EFNA3: variants seen among roughly 807,000 people sequenced by gnomAD.
The protein encoded by EFNA3 is ephrin-A3.
Under a neutral mutation model 25.0 loss-of-function variants are expected in EFNA3, and 15 were observed. The observed-to-expected ratio is 0.60, with a 90% CI of 0.40 to 0.92. The LOEUF is 0.92. Among genes scored for constraint, EFNA3 ranks in the 40% least tolerant of loss-of-function variants. The pLI is 0.00. For missense variants in EFNA3, 298 were observed against 323.8 expected (o/e 0.92, Z 0.61); for synonymous variants, 153 against 145.6 (o/e 1.05, Z -0.37).
In EFNA3 at chr1:155,078,919, CGGCGGCGGCGGCGGCTCCGGGGAT is replaced by C; in HGVS notation, c.-13_11del. The C allele has an allele frequency of 3.7e-6, 5 of 1,359,428 alleles. No individual in the cohort carries two copies. Among genetic ancestry groups the C allele is most frequent in the Non-Finnish European group, 4.7e-6 (5 of 1,056,222 alleles). The allele number at this position is 1,359,428 out of a possible 1,614,324, so 84.2% of individuals were successfully genotyped here. On this transcript the variant is annotated start_lost and 5_prime_UTR_variant, in exon 1 of 5. Coordinates refer to ENST00000368408, the MANE Select transcript of EFNA3 (RefSeq NM_004952.5). Reference sequence around the variant, plus strand: ...GGGAGCGCGGGGCTCAGTCGGGGGGCGGCGGCGGCGGCGGCTCCGGGGATGGCGGCGGCTCCGCTGCTGCTGCTG... The same window carrying C: ...GGGAGCGCGGGGCTCAGTCGGGGGGCGGCGGCGGCTCCGCTGCTGCTGCTG...
chr1:155,082,723 C>G (rs1200104299), intron 1 of EFNA3, among the ~76,000 whole-genome samples: 1 of 152,334 alleles, frequency 6.6e-6, no homozygotes, highest in East Asian at 1.9e-4. Context: ...TCCCCAGGTC[C>G]CAGCCCACCC....
rs1663431457 is a variant in EFNA3 at position 155,085,247 on chromosome 1, C to T, written c.285C>T (p.Gly95=). 6.2e-7 allele frequency: 1 copy of T among 1,612,896 alleles called. No individual in the cohort carries two copies. The highest frequency in any genetic ancestry group is 1.1e-5 in the South Asian group (1 of 91,060). Residue 95 remains glycine (G), a synonymous_variant, in exon 2 of 5, where the codon GGC becomes GGT. Transcript: ENST00000368408. This position sits in a 1 kb window ranked among gnomAD's most constrained non-coding sequence, Gnocchi z 4.4. ...QYVLYMVSRN[G]YRTCNASQGF... is the part of the protein sequence containing the mutation. ...TGCTGTACATGGTGAGCCGCAACGG[C>T]TACCGCACCTGCAACGCCAGCCAGG...
Position 155,087,236 on chromosome 1 carries a change from G to A in EFNA3, c.*693G>A, listed in dbSNP as rs1663491460. ...CCTCTTTAACCCCCTGACCTTTCTT[G>A]ACTTCCCCTTCAGCTTCAGACCCCT... On this transcript the variant is annotated 3_prime_UTR_variant, in exon 5 of 5. Coordinates refer to ENST00000368408, the MANE Select transcript of EFNA3 (RefSeq NM_004952.5). The A allele has an allele frequency of 6.6e-6, 1 of 152,570 alleles. No homozygotes were observed. The highest frequency in any genetic ancestry group is 2.1e-4 in the South Asian group (1 of 4,830). The allele number at this position is 152,570 out of a possible 1,614,324, so 9.5% of individuals were successfully genotyped here.
At position 155,080,745 on chromosome 1, in the gene EFNA3, G is replaced by T. The variant is rs977567188; in HGVS notation, c.128+1676G>T. Among the ~76,000 whole-genome samples, 2 of 152,196 alleles carry T rather than the reference G, an allele frequency of 1.3e-5. No individual in the cohort carries two copies. Among genetic ancestry groups the T allele is most frequent in the Non-Finnish European group, 2.9e-5 (2 of 68,018 alleles). On this transcript the variant is annotated intron_variant, in intron 1 of 4. Coordinates refer to ENST00000368408, the MANE Select transcript of EFNA3 (RefSeq NM_004952.5). This position sits in a 1 kb window ranked among gnomAD's most constrained non-coding sequence, Gnocchi z 7.0. ...GCAGGTGAAAGCTCAGGGAGCGGGT[G>T]GGGGAGCCCGGGTTCCGGGAGCCTC...
chr1:155,084,386 T>C (rs11800158), intron 1 of EFNA3, among the ~76,000 whole-genome samples: 3,521 of 152,214 alleles, frequency 0.023, 146 homozygotes, highest in African/African-American at 0.08. Flanking sequence ...ACCCCCAGAT[T>C]GGTGGGGTCA....
At position 155,079,390 on chromosome 1, in the gene EFNA3, G is replaced by A. The variant is rs906993723; in HGVS notation, c.128+321G>A. Among the ~76,000 whole-genome samples the A allele has an allele frequency of 6.6e-6, 1 of 152,212 alleles. No individual in the cohort carries two copies. The highest frequency in any genetic ancestry group is 6.5e-5 in the Admixed American group (1 of 15,284). ...CCCATAGTCCCACCAGTTGGGCTGG[G>A]GTTTGGGGGTAGCGCTGTGCTGGGG... On this transcript the variant is annotated intron_variant, in intron 1 of 4. Coordinates refer to ENST00000368408, the MANE Select transcript of EFNA3 (RefSeq NM_004952.5). The surrounding 1 kb of genome is among the most constrained non-coding windows in gnomAD (Gnocchi z 7.7).
chr1:155,079,000 T>C lies in EFNA3; in HGVS notation c.59T>C (p.Leu20Pro). 1.4e-6 allele frequency: 2 copies of C among 1,436,208 alleles called. No individual in the cohort carries two copies. Among genetic ancestry groups the C allele is most frequent in the African/African-American group, 1.5e-5 (1 of 67,050 alleles). 89.0% of individuals were successfully genotyped at this position (1,436,208 alleles called of 1,614,324 possible). ...CTCGTGCCCGTGCCGCTGCTGCCGC[T>C]GCTGGCCCAAGGGCCCGGAGGGGCG... ...LLLVPVPLLP[L>P]LAQGPGGALG... Residue 20 changes from leucine to proline, a missense_variant, in exon 1 of 5, where the codon CTG becomes CCG. Physicochemically the swap from Leu to Pro is moderately conservative, Grantham distance 98. Coordinates refer to ENST00000368408, the MANE Select transcript of EFNA3 (RefSeq NM_004952.5).
chr1:155,079,714 C>T lies in EFNA3; in HGVS notation c.128+645C>T, dbSNP rs913185860. On this transcript the variant is annotated intron_variant, in intron 1 of 4. Transcript: ENST00000368408. The surrounding 1 kb of genome is among the most constrained non-coding windows in gnomAD (Gnocchi z 7.7). ...GGCAGAGAGATGTCGGTGTGTCACA[C>T]ACGCACACACACGCCCGGGCTGGGG... Among the ~76,000 whole-genome samples, 4 of 152,246 alleles carry T rather than the reference C, an allele frequency of 2.6e-5. No homozygotes were observed. The highest frequency in any genetic ancestry group is 6.5e-5 in the Admixed American group (1 of 15,304).
chr1:155,086,108 A>ACCCCCCCCCCCC lies in EFNA3; in HGVS notation c.509-17_509-16insCCCCCCCCCCCC. The stretch of plus-strand genomic sequence containing the variant: ...CCTGACTCTCCCCTCCTCTCTCCCC[A>ACCCCCCCCCCCC]CCCGCACCCCACCCCGCAGCATCGC... On this transcript the variant is annotated intron_variant, in intron 3 of 4. Coordinates refer to ENST00000368408, the MANE Select transcript of EFNA3 (RefSeq NM_004952.5). 1.0e-6 allele frequency: 1 copy of ACCCCCCCCCCCC among 973,116 alleles called. No individual in the cohort carries two copies. The highest frequency in any genetic ancestry group is 1.5e-6 in the Non-Finnish European group (1 of 657,898). 60.3% of individuals were successfully genotyped at this position (973,116 alleles called of 1,614,324 possible).
In EFNA3 at chr1:155,078,858, G is replaced by C. The variant is rs904076613; in HGVS notation, c.-84G>C. ...GCGTGGCCTAAGGCTGGGGGCCGAC[G>C]GCGGCGGCAGCAGGGAGCTGGGAAG... On this transcript the variant is annotated 5_prime_UTR_variant, in exon 1 of 5. Transcript: ENST00000368408. 9.2e-6 allele frequency: 12 copies of C among 1,299,084 alleles called. No homozygotes were observed. In the African/African-American group the frequency reaches 1.7e-4, roughly 19 times the overall value. The allele number at this position is 1,299,084 out of a possible 1,614,324, so 80.5% of individuals were successfully genotyped here. A position where few individuals can be genotyped will look rare whatever the true frequency, so the allele number is the denominator to read the frequency against.
chr1:155,086,702 TCC>T lies in EFNA3; in HGVS notation c.*164_*165del. The T allele has an allele frequency of 2.3e-6, 2 of 880,866 alleles. No individual in the cohort carries two copies. The highest frequency in any genetic ancestry group is 2.7e-5 in the East Asian group (1 of 37,134). The allele number at this position is 880,866 out of a possible 1,614,324, so 54.6% of individuals were successfully genotyped here. On this transcript the variant is annotated 3_prime_UTR_variant, in exon 5 of 5. Coordinates refer to ENST00000368408, the MANE Select transcript of EFNA3 (RefSeq NM_004952.5). ...ATCTGTGTCCGCCCCCTCTACCCCT[TCC>T]CCCCACGTAGGGCACTGTAGTGGAC...
chr1:155,083,664 CA>C (rs541662723), intron 1 of EFNA3, among the ~76,000 whole-genome samples: 47 of 152,302 alleles, frequency 3.1e-4, no homozygotes, highest in East Asian at 7.7e-4. Flanking sequence ...GAAGTGGGGT[CA>C]GGGGGGAGGG....
intron 3 of EFNA3, 25 bp from the exon 4 acceptor site, chr1:155,086,103 T>TCCC: frequency 1.3e-5 from 20 of 1,577,704 alleles, no homozygotes; most frequent in East Asian, 2.3e-5. Flanking sequence ...CCCTCCTCTC[T>TCCC]CCCCACCCGC....
At position 155,080,794 on chromosome 1, in the gene EFNA3, C is replaced by A. The variant is rs1462965267; in HGVS notation, c.128+1725C>A. ...TCCTTTCTGTCCTCTCTACTCCGTG[C>A]GGGCCTGGGCCGGCAGAGGTAGGAG... On this transcript the variant is annotated intron_variant, in intron 1 of 4. Transcript: ENST00000368408. The surrounding 1 kb of genome is among the most constrained non-coding windows in gnomAD (Gnocchi z 7.0). Among the ~76,000 whole-genome samples, 1 of 152,188 alleles carries A rather than the reference C, an allele frequency of 6.6e-6. No homozygotes were observed. Among genetic ancestry groups the A allele is most frequent in the East Asian group, 1.9e-4 (1 of 5,190 alleles).
At position 155,079,112 on chromosome 1, in the gene EFNA3, A is replaced by C. The variant is rs1663291704; in HGVS notation, c.128+43A>C. 2 of 1,278,060 alleles carry C rather than the reference A, an allele frequency of 1.6e-6. No homozygotes were observed. The highest frequency in any genetic ancestry group is 2.0e-6 in the Non-Finnish European group (2 of 1,003,388). The allele number at this position is 1,278,060 out of a possible 1,614,324, so 79.2% of individuals were successfully genotyped here. On this transcript the variant is annotated intron_variant, in intron 1 of 4. Coordinates refer to ENST00000368408, the MANE Select transcript of EFNA3 (RefSeq NM_004952.5). The surrounding 1 kb of genome is among the most constrained non-coding windows in gnomAD (Gnocchi z 7.7). ...GGAGTCCGCGCGTCCCGTCTCAGTG[A>C]GAGGGGGAGCCGGTGGGCCCGAGAA...
At chr1:155,084,951 G>T in intron 1 of EFNA3, 140 bp from the exon 2 acceptor site, 2 of 936,154 alleles carry the variant, frequency 2.1e-6, no homozygotes, top group Non-Finnish European at 3.2e-6. Context: ...CGGGGGCAGA[G>T]ACAGGGCTGA....
At chr1:155,082,545 G>A (rs1010265163) in intron 1 of EFNA3, among the ~76,000 whole-genome samples, 3 of 152,352 alleles carry the variant, frequency 2.0e-5, no homozygotes, top group East Asian at 1.9e-4. Context: ...GTCGGGATGC[G>A]CCTCAGAGGC....
chr1:155,078,907 T>G lies in EFNA3; in HGVS notation c.-35T>G. ...AGCGGAGAAGCCGGGAGCGCGGGGC[T>G]CAGTCGGGGGGCGGCGGCGGCGGCG... On this transcript the variant is annotated 5_prime_UTR_variant, in exon 1 of 5. Transcript: ENST00000368408. 7.4e-7 allele frequency: 1 copy of G among 1,357,340 alleles called. No homozygotes were observed. The highest frequency in any genetic ancestry group is 1.9e-5 in the South Asian group (1 of 52,530). 84.1% of individuals were successfully genotyped at this position (1,357,340 alleles called of 1,614,324 possible).
At chr1:155,086,090 C>T in intron 3 of EFNA3, 38 bp from the exon 4 acceptor site, 1 of 1,598,130 alleles carries the variant, frequency 6.3e-7, no homozygotes, top group Non-Finnish European at 8.5e-7. Flanking sequence ...GGCCCTGACT[C>T]TCCCCTCCTC....
Sources: allele counts gnomAD v4.1 joint callset (sites outside exome capture counted in the v4.1 genomes callset), GRCh38; gene constraint gnomAD v4.1.1; non-coding constraint Gnocchi (gnomAD v3.1); transcripts MANE v1.5; gene names NCBI Gene and HGNC (gene_info 2026-07-23, HGNC 2026-07-21).